The following ADGRG4 variants were observed in gnomAD, a reference collection of about 807,000 sequenced individuals.
The protein encoded by ADGRG4 is adhesion G protein-coupled receptor G4, also known as G protein-coupled receptor 112.
A neutral mutation model predicts 126.2 loss-of-function variants in ADGRG4; 122 were observed. The observed-to-expected ratio is 0.97, with a 90% CI of 0.83 to 1.12. The LOEUF (loss-of-function observed/expected upper bound fraction) is 1.12. Ranked by LOEUF, ADGRG4 falls within the 50% of genes most tolerant of loss-of-function variation. The pLI, the probability that ADGRG4 is intolerant of heterozygous loss-of-function variation, is 0.00. For missense variants in ADGRG4, 2,481 were observed against 2,251.8 expected (o/e 1.10, Z -2.06); for synonymous variants, 943 against 838.7 (o/e 1.12, Z -2.15).
Position 136,322,958 on chromosome X carries a change from G to T in ADGRG4, c.251G>T (p.Gly84Val). ...FSYITNNALL[G>V]REDIDLGLAG... ...TATATTACTAATAACGCCCTCCTGG[G>T]CAGAGAAGACATAGACCTTGGACTT... The change falls in exon 5 of 26, where the codon GGC (glycine) becomes GTC (valine). Residue 84 changes from glycine to valine, a missense_variant. By Grantham distance (109) the Gly-to-Val change is moderately radical. Transcript: ENST00000394143. 1 of 1,210,767 alleles carries T rather than the reference G, an allele frequency of 8.3e-7. No individual in the cohort carries two copies. Among genetic ancestry groups the T allele is most frequent in the Non-Finnish European group, 1.1e-6 (1 of 894,513 alleles).
intron 25 of ADGRG4, among the ~76,000 whole-genome samples, chrX:136,415,216 G>A (rs368771493): frequency 3.6e-5 from 4 of 111,623 alleles, no homozygotes; most frequent in African/African-American, 9.8e-5. Context: ...TGCCTCATTC[G>A]CTAGTATTTT....
At chrX:136,376,628 GTATT>G (rs2075226937) in intron 15 of ADGRG4, among the ~76,000 whole-genome samples, 1 of 27,959 alleles carries the variant, frequency 3.6e-5, no homozygotes, top group Non-Finnish European at 7.2e-5. Flanking sequence ...ATATTCCTGG[GTATT>G]GTATTGTATT....
chrX:136,342,093 T>C (rs968195069), intron 5 of ADGRG4, among the ~76,000 whole-genome samples: 1 of 111,879 alleles, frequency 8.9e-6, no homozygotes, highest in African/African-American at 3.2e-5. Flanking sequence ...CTGAACTGGG[T>C]GTTTTTCTTC....
intron 5 of ADGRG4, among the ~76,000 whole-genome samples, chrX:136,329,708 C>T (rs968734970): frequency 9.5e-6 from 1 of 105,035 alleles, no homozygotes; most frequent in Non-Finnish European, 1.9e-5. Context: ...CTCACTCTGT[C>T]GCCCAGGATG....
In ADGRG4 at chrX:136,414,245, T is replaced by C; in HGVS notation, c.9123T>C (p.Ser3041=). 8.3e-7 allele frequency: 1 copy of C among 1,203,703 alleles called. No homozygotes were observed. The highest frequency in any genetic ancestry group is 1.1e-6 in the Non-Finnish European group (1 of 888,383). Residue 3041 remains serine (S), a synonymous_variant, in exon 25 of 26, where the codon TCT becomes TCC. Coordinates refer to ENST00000394143, the MANE Select transcript of ADGRG4 (RefSeq NM_153834.4). ...KIFEHKLLTP[S]LKSTATSSTF... is the part of the protein sequence containing the mutation. Reference sequence around the variant, plus strand: ...TTGAGCACAAACTGTTGACGCCATCTCTCAAGTCAACTGCAACTAGCTCCA... The same window carrying C: ...TTGAGCACAAACTGTTGACGCCATCCCTCAAGTCAACTGCAACTAGCTCCA...
rs1569340485 is a variant in ADGRG4, at chrX:136,412,334, G to A, written c.9005G>A (p.Cys3002Tyr). The A allele has an allele frequency of 2.5e-6, 3 of 1,192,140 alleles. No homozygotes were observed. Among genetic ancestry groups the A allele is most frequent in the Non-Finnish European group, 2.3e-6 (2 of 877,471 alleles). ...CGGGAGCAGTGGCAGATACACCTCT[G>A]CTGTGGGTGGTTGCGATTGGATAAC... ...SVREQWQIHL[C>Y]CGWLRLDNSS... is the part of the protein sequence containing the mutation. Residue 3002 changes from cysteine to tyrosine, a missense_variant, in exon 24 of 26, where the codon TGC becomes TAC. Transcript: ENST00000394143.
intron 16 of ADGRG4, among the ~76,000 whole-genome samples, chrX:136,389,530 A>G (rs1019362564): frequency 8.9e-6 from 1 of 112,170 alleles, no homozygotes; most frequent in Non-Finnish European, 1.9e-5. Flanking sequence ...ATGAAGAAGG[A>G]TTAGAACTAG....
At chrX:136,386,543 G>A (rs778308459) in intron 15 of ADGRG4, among the ~76,000 whole-genome samples, 121 of 112,040 alleles carry the variant, frequency 1.1e-3, no homozygotes, top group South Asian at 2.6e-3. Flanking sequence ...AGGCAGCATA[G>A]ATAATTTTAA....
At chrX:136,385,731 A>G (rs1457344071) in intron 15 of ADGRG4, among the ~76,000 whole-genome samples, 1 of 112,063 alleles carries the variant, frequency 8.9e-6, no homozygotes, top group Non-Finnish European at 1.9e-5. Context: ...ATTCTTTTGT[A>G]GATTATAGAT....
chrX:136,334,120 CTTTCTTTCTTTCT>C (rs1223222228), intron 5 of ADGRG4, among the ~76,000 whole-genome samples: 1 of 94,234 alleles, frequency 1.1e-5, no homozygotes, highest in African/African-American at 4.0e-5. Flanking sequence ...TTCTTTCTTT[CTTTCTTTCTTTCT>C]TTCTTTTTCT....
In ADGRG4 at chrX:136,349,896, A is replaced by G. The variant is rs763723310; in HGVS notation, c.6190A>G (p.Met2064Val). The stretch of plus-strand genomic sequence containing the variant: ...CTTGACAACACTACCCTCTGCTACT[A>G]TGAGCACCATACTCACCCGAACCAT... ...TNLTTLPSAT[M>V]STILTRTIPT... The change falls in exon 6 of 26, where the codon ATG (methionine) becomes GTG (valine). Residue 2064 changes from methionine to valine, a missense_variant. Transcript: ENST00000394143. 11 of 1,210,580 alleles carry G rather than the reference A, an allele frequency of 9.1e-6. No individual in the cohort carries two copies. The highest frequency in any genetic ancestry group is 1.2e-5 in the Non-Finnish European group (11 of 894,730).
chrX:136,374,462 C>G (rs899698650), intron 15 of ADGRG4, among the ~76,000 whole-genome samples: 5 of 111,159 alleles, frequency 4.5e-5, no homozygotes, highest in African/African-American at 1.3e-4. Context: ...TGGAGTCTCA[C>G]TCTGCTGCCC....
intron 15 of ADGRG4, 35 bp downstream of exon 15, chrX:136,373,099 C>T: frequency 1.8e-6 from 2 of 1,137,557 alleles, no homozygotes; most frequent in Non-Finnish European, 1.2e-6. Context: ...AGCCAATCAG[C>T]CAAGCACTGT....
Position 136,364,295 on chromosome X carries a change from T to A in ADGRG4, c.7396+700T>A, listed in dbSNP as rs189775913. Among the ~76,000 whole-genome samples the A allele has an allele frequency of 1.4e-3, 154 of 111,675 alleles. 2 individuals are homozygous for A. Among genetic ancestry groups the A allele is most frequent in the African/African-American group, 4.8e-3 (149 of 30,749 alleles). ...ACAGAGATATTTTATGGATCCATAA[T>A]GAAATGTGTATACATATTTGTGTAT... On this transcript the variant is annotated intron_variant, in intron 13 of 25. Coordinates refer to ENST00000394143, the MANE Select transcript of ADGRG4 (RefSeq NM_153834.4).
At chrX:136,361,275 T>A (rs2075126896) in intron 11 of ADGRG4, among the ~76,000 whole-genome samples, 180 bp from the exon 12 acceptor site, 1 of 109,784 alleles carries the variant, frequency 9.1e-6, no homozygotes, top group Admixed American at 9.8e-5. Context: ...TAAGGCCTGG[T>A]CCAAATGGCT....
chrX:136,325,183 T>C (rs1205419097), intron 5 of ADGRG4, among the ~76,000 whole-genome samples: 1 of 111,427 alleles, frequency 9.0e-6, no homozygotes, highest in Non-Finnish European at 1.9e-5. Context: ...TTGTTATGGG[T>C]TTTTTCCTTC....
Position 136,316,702 on chromosome X carries a change from A to G in ADGRG4, c.71-6076A>G, listed in dbSNP as rs192763965. On this transcript the variant is annotated intron_variant, in intron 4 of 25. Coordinates refer to ENST00000394143, the MANE Select transcript of ADGRG4 (RefSeq NM_153834.4). ...AGGCTGGTCTCAAACTCCTGACCTC[A>G]GGTGATCCGCCCGTCTCAGCCTCCC... 2.5e-3 allele frequency among the ~76,000 whole-genome samples: 281 copies of G among 111,950 alleles called. 6 individuals are homozygous for G. The highest frequency in any genetic ancestry group is 0.025 in the Admixed American group (259 of 10,549).
At position 136,349,597 on chromosome X, in the gene ADGRG4, T is replaced by C. The variant is rs761899873; in HGVS notation, c.5891T>C (p.Ile1964Thr). 8.3e-7 allele frequency: 1 copy of C among 1,210,077 alleles called. No homozygotes were observed. Among genetic ancestry groups the C allele is most frequent in the South Asian group, 1.8e-5 (1 of 56,877 alleles). Residue 1964 changes from isoleucine (I) to threonine (T), a missense_variant, in exon 6 of 26, where the codon ATC becomes ACC. Ile to Thr is a moderately conservative substitution (Grantham distance 89). Coordinates refer to ENST00000394143, the MANE Select transcript of ADGRG4 (RefSeq NM_153834.4). ...NPSLSTSLRA[I>T]TSTLADVKHT... ...TCATTATCAACATCTTTAAGAGCTATCACTTCCACATTGGCTGACGTTAAG... is the reference window on the plus strand; with the variant it reads ...TCATTATCAACATCTTTAAGAGCTACCACTTCCACATTGGCTGACGTTAAG...
chrX:136,313,263 T>C, intron 4 of ADGRG4, among the ~76,000 whole-genome samples: 1 of 112,162 alleles, frequency 8.9e-6, no homozygotes. Flanking sequence ...TCATTTTACA[T>C]CCCCACTAGC....
Sources: allele counts gnomAD v4.1 joint callset (sites outside exome capture counted in the v4.1 genomes callset), GRCh38; gene constraint gnomAD v4.1.1; transcripts MANE v1.5; gene names NCBI Gene and HGNC (gene_info 2026-07-23, HGNC 2026-07-21).